The following GSE1 variants were observed in gnomAD, a reference collection of about 807,000 sequenced individuals.
GSE1 encodes the protein genetic suppressor element 1.
GSE1 carries 32 observed loss-of-function variants against 112.6 expected under a neutral mutation model. The ratio of observed to expected loss-of-function variants is 0.28; its 90% CI spans 0.21 to 0.38. GSE1 has a LOEUF of 0.38. Ranked by LOEUF, GSE1 falls within the 10% of genes least tolerant of loss-of-function variation. The pLI is 1.00. For synonymous variants in GSE1, 1,115 were observed against 735.6 expected, an observed-to-expected ratio of 1.52 and a Z score of -8.35; for missense variants, 2,348 against 1,699.2, an observed-to-expected ratio of 1.38 and a Z score of -6.71.
rs968283313 is a variant in GSE1 at position 85,674,329 on chromosome 16, C to G, written c.*1790C>G. 6.6e-6 allele frequency: 1 copy of G among 152,296 alleles called. No homozygotes were observed. Among genetic ancestry groups the G allele is most frequent in the African/African-American group, 2.4e-5 (1 of 41,474 alleles). The allele number at this position is 152,296 out of a possible 1,614,324, so 9.4% of individuals were successfully genotyped here. On this transcript the variant is annotated 3_prime_UTR_variant, in exon 16 of 16. Transcript: ENST00000253458. ...CAAGAATCTTCCAGTTATTAGCAAA[C>G]TCAGACGAATGTACCGCCAGTATTA... is the stretch of plus-strand genomic sequence containing the variant.
chr16:85,360,400 G>A (rs1183502538), intron 2 of GSE1, among the ~76,000 whole-genome samples: 2 of 152,156 alleles, frequency 1.3e-5, no homozygotes, highest in African/African-American at 2.4e-5. Context: ...GCCGGGGCAC[G>A]AACCTGCGTC....
At position 85,675,120 on chromosome 16, in the gene GSE1, G is replaced by A. The variant is rs1411833628; in HGVS notation, c.*2581G>A. The stretch of plus-strand genomic sequence containing the variant: ...AAAGAACACAGTAGCACCTAAATCT[G>A]TTTTCAATTGGGCTTAAAAATTGAC... On this transcript the variant is annotated 3_prime_UTR_variant, in exon 16 of 16. Coordinates refer to ENST00000253458, the MANE Select transcript of GSE1 (RefSeq NM_014615.5). 1 of 152,060 alleles carries A rather than the reference G, an allele frequency of 6.6e-6. No individual in the cohort carries two copies. Among genetic ancestry groups the A allele is most frequent in the Non-Finnish European group, 1.5e-5 (1 of 68,028 alleles). The allele number at this position is 152,060 out of a possible 1,614,324, so 9.4% of individuals were successfully genotyped here. A position where few individuals can be genotyped will look rare whatever the true frequency, so the allele number is the denominator to read the frequency against.
At chr16:85,623,630 C>T (rs111723498) in intron 1 of GSE1, among the ~76,000 whole-genome samples, 1 of 152,176 alleles carries the variant, frequency 6.6e-6, no homozygotes, top group African/African-American at 2.4e-5. Context: ...TGTGAGGACC[C>T]CGGTGCCTGC....
intron 1 of GSE1, among the ~76,000 whole-genome samples, chr16:85,354,335 C>G (rs547651565): frequency 6.6e-6 from 1 of 152,254 alleles, no homozygotes; most frequent in Non-Finnish European, 1.5e-5. Context: ...CAGTTCATCT[C>G]TTCCTGCCTC....
chr16:85,656,984 G>A (rs754153374), intron 7 of GSE1, among the ~76,000 whole-genome samples: 1 of 152,218 alleles, frequency 6.6e-6, no homozygotes, highest in Non-Finnish European at 1.5e-5. Context: ...ACCAGCTTTT[G>A]CATGTTTCCC....
intron 2 of GSE1, among the ~76,000 whole-genome samples, chr16:85,530,170 G>C (rs56791474): frequency 6.6e-6 from 1 of 152,208 alleles, no homozygotes; most frequent in Non-Finnish European, 1.5e-5. Context: ...CAGCTCAGCC[G>C]TCTGCCTTGG....
At chr16:85,579,314 ACTT>A (rs2046355202) in intron 1 of GSE1, among the ~76,000 whole-genome samples, 1 of 152,130 alleles carries the variant, frequency 6.6e-6, no homozygotes, top group African/African-American at 2.4e-5. Flanking sequence ...TAACCCACCC[ACTT>A]CTTTTGAAAT....
At chr16:85,464,580 CG>C (rs921132896) in intron 2 of GSE1, among the ~76,000 whole-genome samples, 74 of 152,296 alleles carry the variant, frequency 4.9e-4, no homozygotes, top group African/African-American at 1.7e-3. Context: ...CTGTTTCCCC[CG>C]AGGGGTGATG....
intron 2 of GSE1, among the ~76,000 whole-genome samples, chr16:85,416,628 C>G (rs970217624): frequency 1.3e-5 from 2 of 152,222 alleles, no homozygotes; most frequent in Non-Finnish European, 2.9e-5. Flanking sequence ...ATTTCAGCAG[C>G]CCTGCAGGTT....
intron 1 of GSE1, among the ~76,000 whole-genome samples, chr16:85,186,070 A>G (rs1015505904): frequency 6.6e-6 from 1 of 152,168 alleles, no homozygotes; most frequent in African/African-American, 2.4e-5. Flanking sequence ...CATAGTCACC[A>G]CTGATACTGT....
chr16:85,587,648 A>G (rs1484846358), intron 1 of GSE1, among the ~76,000 whole-genome samples: 6 of 152,118 alleles, frequency 3.9e-5, no homozygotes, highest in East Asian at 1.9e-4. Context: ...AGGCTGGAGT[A>G]TGGGTTGCAA....
intron 2 of GSE1, among the ~76,000 whole-genome samples, chr16:85,548,375 T>C (rs2044780040): frequency 6.6e-6 from 1 of 151,816 alleles, no homozygotes; most frequent in Non-Finnish European, 1.5e-5. Context: ...TTTTTTAAAC[T>C]AGGTCTTATT....
At chr16:85,274,332 C>G (rs1273500651) in intron 1 of GSE1, among the ~76,000 whole-genome samples, 1 of 152,112 alleles carries the variant, frequency 6.6e-6, no homozygotes, top group Non-Finnish European at 1.5e-5. Context: ...TTGCAGTGAG[C>G]TGAGATCACG....
chr16:85,293,431 A>G (rs997288268), intron 1 of GSE1, among the ~76,000 whole-genome samples: 1 of 152,148 alleles, frequency 6.6e-6, no homozygotes, highest in African/African-American at 2.4e-5. Flanking sequence ...CCGTAATCCC[A>G]GCAACTCGGG....
intron 1 of GSE1, among the ~76,000 whole-genome samples, chr16:85,228,192 T>A (rs1227261609): frequency 6.6e-6 from 1 of 152,226 alleles, no homozygotes; most frequent in African/African-American, 2.4e-5. Context: ...AGGAGCCCTG[T>A]CACTTGGCTC....
At chr16:85,527,496 C>T (rs1235222028) in intron 2 of GSE1, among the ~76,000 whole-genome samples, 1 of 152,276 alleles carries the variant, frequency 6.6e-6, no homozygotes, top group Non-Finnish European at 1.5e-5. Flanking sequence ...TCTTGACCCT[C>T]TTCCCTGCTG....
intron 2 of GSE1, among the ~76,000 whole-genome samples, chr16:85,392,539 CTG>C (rs2047866011): frequency 1.3e-5 from 2 of 152,120 alleles, no homozygotes; most frequent in Admixed American, 6.6e-5. Context: ...GCCCATCAAA[CTG>C]TGTGCTTTAA....
At chr16:85,638,772 A>T (rs1272495331) in intron 2 of GSE1, among the ~76,000 whole-genome samples, 9 of 136,794 alleles carry the variant, frequency 6.6e-5, no homozygotes. Context: ...CCTTCCCCTG[A>T]CTCCCCGTCC....
At chr16:85,449,469 T>C (rs573392480) in intron 2 of GSE1, among the ~76,000 whole-genome samples, 39 of 152,254 alleles carry the variant, frequency 2.6e-4, no homozygotes, top group Admixed American at 7.2e-4. Flanking sequence ...GTCGTGGCCC[T>C]GTCTGGCCAC....
Sources: allele counts gnomAD v4.1 joint callset (sites outside exome capture counted in the v4.1 genomes callset), GRCh38; gene constraint gnomAD v4.1.1; transcripts MANE v1.5; gene names NCBI Gene and HGNC (gene_info 2026-07-23, HGNC 2026-07-21).